Variants in CNTNAP5 observed in about 807,000 individuals in gnomAD.
CNTNAP5 encodes the protein contactin-associated protein-like 5.
A neutral mutation model predicts 150.2 loss-of-function variants in CNTNAP5; 72 were observed. The observed-to-expected ratio is 0.48, with a 90% CI of 0.40 to 0.58. The LOEUF (loss-of-function observed/expected upper bound fraction) is 0.58. CNTNAP5 is among the 20% of genes least tolerant of loss of function. The probability of loss-of-function intolerance (pLI) is 0.00; values close to 1 mark genes in which losing one functional copy is unlikely to be tolerated. For synonymous variants in CNTNAP5, 672 were observed against 619.8 expected, an observed-to-expected ratio of 1.08 and a Z score of -1.25; for missense variants, 1,636 against 1,626.2, an observed-to-expected ratio of 1.01 and a Z score of -0.10.
At chr2:124,042,779 C>CTAT (rs1336652444) in intron 1 of CNTNAP5, among the ~76,000 whole-genome samples, 4 of 138,902 alleles carry the variant, frequency 2.9e-5, no homozygotes, top group Non-Finnish European at 6.2e-5. Flanking sequence ...GCGTAACTCT[C>CTAT]TATCATCTAT....
chr2:124,083,746 A>T (rs1682614634), intron 1 of CNTNAP5, among the ~76,000 whole-genome samples: 1 of 150,968 alleles, frequency 6.6e-6, no homozygotes, highest in Non-Finnish European at 1.5e-5. Context: ...TTATCCTTTT[A>T]TTTTTTCTTC....
At position 124,865,435 on chromosome 2, in the gene CNTNAP5, A is replaced by G; in HGVS notation, c.3347A>G (p.Gln1116Arg). 1 of 1,551,416 alleles carries G rather than the reference A, an allele frequency of 6.4e-7. No homozygotes were observed. The highest frequency in any genetic ancestry group is 8.7e-7 in the Non-Finnish European group (1 of 1,146,774). The change falls in exon 20 of 24, where the codon CAG (glutamine) becomes CGG (arginine). Residue 1116 changes from glutamine (Q) to arginine (R), a missense_variant and splice_region_variant. Transcript: ENST00000682447. ...CGAGAGGGAAGAGAGCTTACCATTCAGGTACCTTCCTTACTTTCTCCTGCT... is the reference window on the plus strand; with the variant it reads ...CGAGAGGGAAGAGAGCTTACCATTCGGGTACCTTCCTTACTTTCTCCTGCT... ...INREGRELTI[Q>R]MDQQLRLSYN...
intron 3 of CNTNAP5, among the ~76,000 whole-genome samples, chr2:124,309,053 T>C (rs1688758357): frequency 6.6e-6 from 1 of 152,206 alleles, no homozygotes; most frequent in Non-Finnish European, 1.5e-5. Flanking sequence ...TATGTTTTTT[T>C]CCTAGACATA....
chr2:124,510,518 T>TACAC (rs1553474715), intron 8 of CNTNAP5, among the ~76,000 whole-genome samples: 5 of 124,918 alleles, frequency 4.0e-5, no homozygotes, highest in African/African-American at 1.6e-4. Context: ...TATATATATA[T>TACAC]ACATATATCT....
chr2:124,784,712 T>G (rs1241894835), intron 17 of CNTNAP5, among the ~76,000 whole-genome samples: 1 of 152,102 alleles, frequency 6.6e-6, no homozygotes, highest in African/African-American at 2.4e-5. Context: ...TCGTCTAATA[T>G]TTGTCTTAGA....
At chr2:124,189,790 G>A in intron 1 of CNTNAP5, among the ~76,000 whole-genome samples, 1 of 152,104 alleles carries the variant, frequency 6.6e-6, no homozygotes, top group East Asian at 1.9e-4. Context: ...TTCCAGGTTG[G>A]TATTCTAAAT....
chr2:124,308,878 C>T (rs1688753894), intron 3 of CNTNAP5, among the ~76,000 whole-genome samples: 1 of 152,094 alleles, frequency 6.6e-6, no homozygotes, highest in African/African-American at 2.4e-5. Flanking sequence ...GCTTCAAATT[C>T]CCACAGACCC....
intron 6 of CNTNAP5, among the ~76,000 whole-genome samples, chr2:124,447,389 C>G (rs536416632): frequency 2.0e-5 from 3 of 152,180 alleles, no homozygotes; most frequent in Admixed American, 2.0e-4. Context: ...TGACTAATAC[C>G]GTGGCGAGCT....
intron 3 of CNTNAP5, among the ~76,000 whole-genome samples, chr2:124,333,696 T>A (rs983128375): frequency 5.9e-5 from 9 of 152,166 alleles, no homozygotes; most frequent in African/African-American, 2.2e-4. Context: ...TCATTTTTTG[T>A]TTCTTAACTG....
At chr2:124,856,454 A>G (rs1677376213) in intron 19 of CNTNAP5, among the ~76,000 whole-genome samples, 1 of 152,210 alleles carries the variant, frequency 6.6e-6, no homozygotes, top group Non-Finnish European at 1.5e-5. Context: ...CATTCCCACC[A>G]GCATTGTAGA....
At chr2:124,125,318 G>A (rs1683663628) in intron 1 of CNTNAP5, among the ~76,000 whole-genome samples, 1 of 152,096 alleles carries the variant, frequency 6.6e-6, no homozygotes, top group Non-Finnish European at 1.5e-5. Flanking sequence ...GACAAAGAAG[G>A]CCATTACATA....
In CNTNAP5 at chr2:124,798,131, A is replaced by G. The variant is rs781107862; in HGVS notation, c.3028A>G (p.Thr1010Ala). Residue 1010 changes from threonine to alanine, a missense_variant, in exon 19 of 24, where the codon ACT becomes GCT. By Grantham distance (58) the Thr-to-Ala change is moderately conservative (BLOSUM62 0). Transcript: ENST00000682447. Reference protein sequence around the residue: ...SAVFEAGTSVTYMFQEPYPVT... With the variant: ...SAVFEAGTSVAYMFQEPYPVT... ...TGTTTTTGAGGCTGGCACGTCGGTT[A>G]CTTACATGTTTCAAGAACCCTATCC... 3 of 1,613,276 alleles carry G rather than the reference A, an allele frequency of 1.9e-6. No individual in the cohort carries two copies. Among genetic ancestry groups the G allele is most frequent in the East Asian group, 4.5e-5 (2 of 44,830 alleles).
At chr2:124,755,919 T>TAAGTGACAAAG (rs1680830954) in intron 14 of CNTNAP5, among the ~76,000 whole-genome samples, 1 of 152,198 alleles carries the variant, frequency 6.6e-6, no homozygotes, top group Non-Finnish European at 1.5e-5. Flanking sequence ...TTGTCACTTA[T>TAAGTGACAAAG]TAACTAGAAA....
intron 4 of CNTNAP5, among the ~76,000 whole-genome samples, chr2:124,418,901 G>A (rs1481880026): frequency 2.0e-5 from 3 of 151,752 alleles, no homozygotes; most frequent in African/African-American, 7.3e-5. Flanking sequence ...TTGGGAGGCC[G>A]AGGCGGGTGG....
rs70996072 is a variant in CNTNAP5 at position 124,510,477 on chromosome 2, GTATATATATATATATATATATA to G, written c.1327+5942_1327+5963del. 1.0e-3 allele frequency among the ~76,000 whole-genome samples: 105 copies of G among 102,594 alleles called. 6 individuals are homozygous for G. The highest frequency in any genetic ancestry group is 2.1e-3 in the Admixed American group (20 of 9,546). 67.3% of individuals were successfully genotyped at this position (102,594 alleles called of 152,430 possible). A position where few individuals can be genotyped will look rare whatever the true frequency, so the allele number is the denominator to read the frequency against. On this transcript the variant is annotated intron_variant, in intron 8 of 23. Transcript: ENST00000682447. The stretch of plus-strand genomic sequence containing the variant: ...ACAAAAAAGTAAATTTTATGTATGT[GTATATATATATATATATATATA>G]TATATATATATATATATATACATAT...
chr2:124,695,728 G>T (rs901808192), intron 13 of CNTNAP5, among the ~76,000 whole-genome samples: 5 of 152,164 alleles, frequency 3.3e-5, no homozygotes, highest in Non-Finnish European at 7.4e-5. Flanking sequence ...CAGATGGAGG[G>T]AGCTAGGACT....
chr2:124,624,386 T>A (rs1329673279), intron 12 of CNTNAP5, among the ~76,000 whole-genome samples: 2 of 152,256 alleles, frequency 1.3e-5, no homozygotes, highest in East Asian at 3.8e-4. Flanking sequence ...CATTCATTCA[T>A]CCATCCCTCC....
chr2:124,326,566 C>T (rs564864679), intron 3 of CNTNAP5, among the ~76,000 whole-genome samples: 2 of 152,216 alleles, frequency 1.3e-5, no homozygotes, highest in East Asian at 3.9e-4. Context: ...GAGAGGAAAT[C>T]TCTGCTGTCA....
At chr2:124,169,701 ATTGT>A (rs1009295318) in intron 1 of CNTNAP5, among the ~76,000 whole-genome samples, 10 of 152,150 alleles carry the variant, frequency 6.6e-5, no homozygotes, top group African/African-American at 2.2e-4. Flanking sequence ...ATTAATTATT[ATTGT>A]TTGTTTGTTT....
Sources: gnomAD v4.1 joint callset for allele counts (sites outside exome capture counted in the v4.1 genomes callset) on GRCh38, gnomAD v4.1.1 for gene constraint, MANE v1.5 for transcripts, NCBI Gene and HGNC (gene_info 2026-07-23, HGNC 2026-07-21) for gene names.